The following GLRA3 variants were observed in gnomAD, a reference collection of about 807,000 sequenced individuals.
The protein encoded by GLRA3 is glycine receptor subunit alpha-3.
A neutral mutation model predicts 60.4 loss-of-function variants in GLRA3; 44 were observed. The ratio of observed to expected loss-of-function variants is 0.73; its 90% CI spans 0.57 to 0.94. The LOEUF (loss-of-function observed/expected upper bound fraction) is 0.94. GLRA3 is among the 40% of genes least tolerant of loss of function. GLRA3 has a pLI of 0.00. For synonymous variants in GLRA3, 223 were observed against 192.9 expected (o/e 1.16, Z -1.29); for missense variants, 508 against 564.6 (o/e 0.90, Z 1.02).
rs540917210 is a variant in GLRA3 at position 174,736,888 on chromosome 4, A to G, written c.268-8190T>C. 4.6e-5 allele frequency among the ~76,000 whole-genome samples: 7 copies of G among 152,348 alleles called. No homozygotes were observed. The East Asian group carries it at 1.3e-3, about 29-fold the overall frequency. ...TAGCTACTATTAATAAAATGATACTAACTTTCAGGCATAAAACTAGATGCT... is the reference window on the plus strand; with the variant it reads ...TAGCTACTATTAATAAAATGATACTGACTTTCAGGCATAAAACTAGATGCT... On this transcript the variant is annotated intron_variant, in intron 3 of 9. Coordinates refer to ENST00000274093, the MANE Select transcript of GLRA3 (RefSeq NM_006529.4).
intron 3 of GLRA3, among the ~76,000 whole-genome samples, chr4:174,759,504 A>G (rs559043643): frequency 6.6e-6 from 1 of 152,242 alleles, no homozygotes; most frequent in South Asian, 2.1e-4. Context: ...GTTTGAGATG[A>G]CAGTTTCCCC....
At chr4:174,816,120 G>C (rs1198548827) in intron 1 of GLRA3, among the ~76,000 whole-genome samples, 1 of 152,184 alleles carries the variant, frequency 6.6e-6, no homozygotes, top group Non-Finnish European at 1.5e-5. Flanking sequence ...AGTGTTTGTA[G>C]TTCTAATAAG....
chr4:174,721,187 C>T (rs1433671669), intron 4 of GLRA3, among the ~76,000 whole-genome samples: 1 of 152,020 alleles, frequency 6.6e-6, no homozygotes, highest in Admixed American at 6.6e-5. Flanking sequence ...CGCCACCACG[C>T]CTAGCTAATT....
chr4:174,781,609 G>T (rs959275603), intron 2 of GLRA3, among the ~76,000 whole-genome samples: 101 of 150,352 alleles, frequency 6.7e-4, no homozygotes, highest in Middle Eastern at 3.4e-3. Context: ...TCAAATAGAC[G>T]CAATAAAAAA....
chr4:174,767,484 A>G (rs971346866), intron 2 of GLRA3, among the ~76,000 whole-genome samples: 3 of 152,132 alleles, frequency 2.0e-5, no homozygotes, highest in Admixed American at 1.3e-4. Context: ...CCTCCAATCC[A>G]AAGTTTGTTG....
intron 7 of GLRA3, among the ~76,000 whole-genome samples, chr4:174,667,266 G>C (rs1191548203): frequency 2.0e-5 from 3 of 152,040 alleles, no homozygotes. Flanking sequence ...GGGGAAAGTG[G>C]CCTTCGTGGC....
chr4:174,779,021 CACAG>C (rs1274542734), intron 2 of GLRA3, among the ~76,000 whole-genome samples: 3 of 152,184 alleles, frequency 2.0e-5, no homozygotes, highest in Non-Finnish European at 4.4e-5. Context: ...GGGGGCAGGG[CACAG>C]ACAAACAAAA....
chr4:174,758,933 T>G (rs977287030), intron 3 of GLRA3, among the ~76,000 whole-genome samples: 2 of 152,186 alleles, frequency 1.3e-5, no homozygotes, highest in African/African-American at 4.8e-5. Flanking sequence ...ACTATGTTCA[T>G]GGATTAGAGC....
At chr4:174,798,661 A>C (rs1392950214) in intron 1 of GLRA3, among the ~76,000 whole-genome samples, 7 of 152,260 alleles carry the variant, frequency 4.6e-5, no homozygotes, top group Non-Finnish European at 1.0e-4. Flanking sequence ...GCGGTGGCTC[A>C]TGCCTGTAAT....
In GLRA3 at chr4:174,638,333, C is replaced by T. The variant is rs942892091; in HGVS notation, c.*5453G>A. 1 of 152,262 alleles carries T rather than the reference C, an allele frequency of 6.6e-6. No individual in the cohort carries two copies. Among genetic ancestry groups the T allele is most frequent in the East Asian group, 1.9e-4 (1 of 5,174 alleles). The allele number at this position is 152,262 out of a possible 1,614,324, so 9.4% of individuals were successfully genotyped here. ...TGTGAGACAGAGTCTCACTCTGTCACCCAGTTTGGAGTGCAGTGGTGCGAT... is the reference window on the plus strand; with the variant it reads ...TGTGAGACAGAGTCTCACTCTGTCATCCAGTTTGGAGTGCAGTGGTGCGAT... On this transcript the variant is annotated 3_prime_UTR_variant, in exon 10 of 10. Transcript: ENST00000274093.
At position 174,678,844 on chromosome 4, in the gene GLRA3, A is replaced by T. The variant is rs565460903; in HGVS notation, c.713-1552T>A. 8.5e-5 allele frequency among the ~76,000 whole-genome samples: 13 copies of T among 152,206 alleles called. 1 individual carries two copies. Among genetic ancestry groups the T allele is most frequent in the Non-Finnish European group, 1.9e-4 (13 of 68,040 alleles). The stretch of plus-strand genomic sequence containing the variant: ...GAGAAATAATGAAATGGAATAAAAC[A>T]AGAATAACTGAAACATATTTATAAT... On this transcript the variant is annotated intron_variant, in intron 6 of 9. Transcript: ENST00000274093.
chr4:174,637,526 T>C lies in GLRA3; in HGVS notation c.*6260A>G, dbSNP rs1732524202. On this transcript the variant is annotated 3_prime_UTR_variant, in exon 10 of 10. Coordinates refer to ENST00000274093, the MANE Select transcript of GLRA3 (RefSeq NM_006529.4). Reference sequence around the variant, plus strand: ...TTTACATCTGAATCCTTTCCTGCCATTTAAGTCACAGCTCCCTAGTATTAA... The same window carrying C: ...TTTACATCTGAATCCTTTCCTGCCACTTAAGTCACAGCTCCCTAGTATTAA... 2 of 152,226 alleles carry C rather than the reference T, an allele frequency of 1.3e-5. No homozygotes were observed. Among genetic ancestry groups the C allele is most frequent in the African/African-American group, 4.8e-5 (2 of 41,466 alleles). 9.4% of individuals were successfully genotyped at this position (152,226 alleles called of 1,614,324 possible).
chr4:174,700,531 C>T (rs966463522), intron 5 of GLRA3, among the ~76,000 whole-genome samples: 15 of 152,040 alleles, frequency 9.9e-5, no homozygotes, highest in African/African-American at 2.9e-4. Flanking sequence ...TTTAAGTAGT[C>T]GCTGAAAGGA....
At chr4:174,778,352 C>CT (rs1302163631) in intron 2 of GLRA3, among the ~76,000 whole-genome samples, 2 of 149,668 alleles carry the variant, frequency 1.3e-5, no homozygotes, top group African/African-American at 2.5e-5. Flanking sequence ...CTTTTTTTTT[C>CT]TTTTTTTGCT....
In GLRA3 at chr4:174,642,912, C is replaced by T. The variant is rs1350007191; in HGVS notation, c.*874G>A. 2 of 746,006 alleles carry T rather than the reference C, an allele frequency of 2.7e-6. No homozygotes were observed. Among genetic ancestry groups the T allele is most frequent in the Non-Finnish European group, 3.3e-6 (2 of 612,070 alleles). 46.2% of individuals were successfully genotyped at this position (746,006 alleles called of 1,614,324 possible). A position where few individuals can be genotyped will look rare whatever the true frequency, so the allele number is the denominator to read the frequency against. ...ACATTCTAAACTAAAATATAAAAGT[C>T]TTACTGAATTTTGTCCTGTTATATC... On this transcript the variant is annotated 3_prime_UTR_variant, in exon 10 of 10. Coordinates refer to ENST00000274093, the MANE Select transcript of GLRA3 (RefSeq NM_006529.4).
chr4:174,711,564 C>G (rs1036638337), intron 5 of GLRA3, among the ~76,000 whole-genome samples: 1 of 151,772 alleles, frequency 6.6e-6, no homozygotes. Flanking sequence ...CTCAGCCACC[C>G]GAGCAGCTGG....
At chr4:174,652,635 T>C (rs1270611187) in intron 9 of GLRA3, among the ~76,000 whole-genome samples, 1 of 152,138 alleles carries the variant, frequency 6.6e-6, no homozygotes, top group African/African-American at 2.4e-5. Context: ...ACTTTGTATG[T>C]CTCTTTTCAT....
In GLRA3 at chr4:174,827,182, T is replaced by G. The variant is rs73010220; in HGVS notation, c.71+1559A>C. Among the ~76,000 whole-genome samples the G allele has an allele frequency of 2.5e-3, 379 of 152,074 alleles. 2 individuals carry two copies. The highest frequency in any genetic ancestry group is 8.8e-3 in the African/African-American group (367 of 41,578). On this transcript the variant is annotated intron_variant, in intron 1 of 9. Transcript: ENST00000274093. ...CATTAAAAAAGATAAATTCTTATAA[T>G]CACAATTATCCATTTGAAATACTTT...
chr4:174,822,358 G>C (rs1358774519), intron 1 of GLRA3, among the ~76,000 whole-genome samples: 1 of 152,070 alleles, frequency 6.6e-6, no homozygotes, highest in African/African-American at 2.4e-5. Flanking sequence ...CAATTTTTAT[G>C]AACAGGAAGG....
Sources: gnomAD v4.1 joint callset for allele counts (sites outside exome capture counted in the v4.1 genomes callset) on GRCh38, gnomAD v4.1.1 for gene constraint, MANE v1.5 for transcripts, NCBI Gene and HGNC (gene_info 2026-07-23, HGNC 2026-07-21) for gene names.